CCDC171: variants seen among roughly 807,000 people sequenced by gnomAD.
The protein encoded by CCDC171 is coiled-coil domain containing 171, also known as coiled-coil domain-containing protein 171.
A neutral mutation model predicts 168.2 loss-of-function variants in CCDC171; 177 were observed. The observed-to-expected ratio is 1.05, with a 90% CI of 0.93 to 1.19. The LOEUF is 1.19. Among genes scored for constraint, CCDC171 ranks in the 50% most tolerant of loss-of-function variants. CCDC171 has a pLI of 0.00. For missense variants in CCDC171, 1,991 were observed against 1,539.0 expected, an observed-to-expected ratio of 1.29 and a Z score of -4.91; for synonymous variants, 687 against 540.8, an observed-to-expected ratio of 1.27 and a Z score of -3.75.
At chr9:15,881,606 A>G (rs1818654784) in intron 24 of CCDC171, among the ~76,000 whole-genome samples, 1 of 152,180 alleles carries the variant, frequency 6.6e-6, no homozygotes, top group Non-Finnish European at 1.5e-5. Context: ...CCCATTAATC[A>G]ACTTCTCTTC....
chr9:15,942,931 A>AGAT (rs1205361901), intron 25 of CCDC171, among the ~76,000 whole-genome samples: 1 of 151,970 alleles, frequency 6.6e-6, no homozygotes. Context: ...TTCAGGAGGC[A>AGAT]GATGGTAAGA....
the CCDC171 span, among the ~76,000 whole-genome samples, chr9:16,073,764 C>G: frequency 6.6e-6 from 1 of 152,182 alleles, no homozygotes; most frequent in African/African-American, 2.4e-5. Flanking sequence ...GTGCTGTTCT[C>G]TTCACCTCCA....
At chr9:16,107,311 C>T in the CCDC171 span, among the ~76,000 whole-genome samples, 1 of 152,088 alleles carries the variant, frequency 6.6e-6, no homozygotes, top group South Asian at 2.1e-4. Flanking sequence ...CCATGCCTGG[C>T]TCCTGACATG....
At chr9:15,952,315 G>A (rs1829286604) in intron 25 of CCDC171, among the ~76,000 whole-genome samples, 2 of 152,140 alleles carry the variant, frequency 1.3e-5, no homozygotes, top group Middle Eastern at 3.2e-3. Context: ...GGATGAATGA[G>A]TCCTCCAACT....
intron 2 of CCDC171, among the ~76,000 whole-genome samples, 194 bp from the exon 3 acceptor site, chr9:15,571,430 C>CTA (rs1256300931): frequency 7.9e-5 from 12 of 151,994 alleles, no homozygotes; most frequent in South Asian, 6.2e-4. Context: ...AGGTATCTAT[C>CTA]TATATATATA....
Position 15,777,837 on chromosome 9 carries a change from A to C in CCDC171, c.2898+11A>C, listed in dbSNP as rs200972435. 3 of 1,546,536 alleles carry C rather than the reference A, an allele frequency of 1.9e-6. No individual in the cohort carries two copies. In the South Asian group the frequency reaches 3.7e-5, roughly 19 times the overall value. Reference sequence around the variant, plus strand: ...CATGTGCCCATTACGGTATGTATACACTTTCATTTAGTAGTAACCTAAGAA... The same window carrying C: ...CATGTGCCCATTACGGTATGTATACCCTTTCATTTAGTAGTAACCTAAGAA... On this transcript the variant is annotated intron_variant, in intron 19 of 25. Transcript: ENST00000380701.
At chr9:15,858,219 C>T (rs2061420023) in intron 23 of CCDC171, among the ~76,000 whole-genome samples, 1 of 151,806 alleles carries the variant, frequency 6.6e-6, no homozygotes, top group South Asian at 2.1e-4. Flanking sequence ...GGGGTTTCAC[C>T]ATGTTGGCCA....
chr9:15,602,547 G>A (rs1418478041), intron 6 of CCDC171, among the ~76,000 whole-genome samples: 2 of 149,280 alleles, frequency 1.3e-5, no homozygotes, highest in Non-Finnish European at 3.0e-5. Flanking sequence ...AAATAGAGGT[G>A]TCCTTCTCTG....
At chr9:15,668,387 G>T (rs182263081) in intron 9 of CCDC171, among the ~76,000 whole-genome samples, 43 of 152,046 alleles carry the variant, frequency 2.8e-4, no homozygotes, top group African/African-American at 1.0e-3. Context: ...TTTGTATTTT[G>T]GTACTTGAAA....
rs1320885936 is a variant in CCDC171, at chr9:15,638,423, A to G, written c.822+15010A>G. 2.0e-5 allele frequency among the ~76,000 whole-genome samples: 3 copies of G among 152,126 alleles called. No individual in the cohort carries two copies. The East Asian group carries it at 5.8e-4, about 29-fold the overall frequency. ...ACAATCACTACCAGTAATACTAGGT[A>G]CTTAAGTAATTGTTAGTGGTATTTT... is the stretch of plus-strand genomic sequence containing the variant. On this transcript the variant is annotated intron_variant, in intron 7 of 25. Transcript: ENST00000380701.
chr9:15,590,848 T>C (rs1336957013), intron 4 of CCDC171, among the ~76,000 whole-genome samples: 13 of 146,782 alleles, frequency 8.9e-5, no homozygotes, highest in Admixed American at 7.6e-4. Flanking sequence ...TCTTTCTTTC[T>C]TTCTTTTTTC....
At chr9:15,731,748 T>A (rs1226803550) in intron 16 of CCDC171, among the ~76,000 whole-genome samples, 1 of 152,104 alleles carries the variant, frequency 6.6e-6, no homozygotes, top group East Asian at 1.9e-4. Context: ...GGGATATATG[T>A]GTGTTCATAA....
chr9:15,931,456 CTTTTT>C (rs57124025), intron 25 of CCDC171, among the ~76,000 whole-genome samples: 81 of 45,004 alleles, frequency 1.8e-3, no homozygotes, highest in Non-Finnish European at 2.9e-3. Flanking sequence ...TTCTTTCTTT[CTTTTT>C]TTTTTTTTTT....
At chr9:15,877,650 T>C (rs1818038604) in intron 24 of CCDC171, among the ~76,000 whole-genome samples, 1 of 152,094 alleles carries the variant, frequency 6.6e-6, no homozygotes, top group African/African-American at 2.4e-5. Flanking sequence ...TAACAGCAAA[T>C]AGGCTTTCAT....
intron 3 of CCDC171, among the ~76,000 whole-genome samples, chr9:16,016,232 A>G (rs374318602): frequency 5.3e-5 from 8 of 152,216 alleles, no homozygotes; most frequent in African/African-American, 1.9e-4. Context: ...TTTAAGTGTC[A>G]AGGTCCAGCT....
chr9:15,695,355 A>C lies in CCDC171; in HGVS notation c.1318+18A>C. 6.4e-7 allele frequency: 1 copy of C among 1,572,088 alleles called. No homozygotes were observed. Among genetic ancestry groups the C allele is most frequent in the Non-Finnish European group, 8.8e-7 (1 of 1,141,600 alleles). Reference sequence around the variant, plus strand: ...GACATCAGGTTAGTTGAAGGTATAAAATGACAGATGCATCTGTCAATGTTC... The same window carrying C: ...GACATCAGGTTAGTTGAAGGTATAACATGACAGATGCATCTGTCAATGTTC... On this transcript the variant is annotated intron_variant, in intron 11 of 25. Transcript: ENST00000380701.
At chr9:15,992,274 C>T (rs1367862057) in intron 3 of CCDC171, among the ~76,000 whole-genome samples, 1 of 152,144 alleles carries the variant, frequency 6.6e-6, no homozygotes, top group Non-Finnish European at 1.5e-5. Flanking sequence ...GGCTTGTAAA[C>T]ATACACAAAT....
intron 11 of CCDC171, among the ~76,000 whole-genome samples, chr9:15,706,798 A>G (rs1306928584): frequency 1.3e-5 from 2 of 152,126 alleles, no homozygotes; most frequent in Non-Finnish European, 2.9e-5. Flanking sequence ...AATAATTTGT[A>G]ATACTCTAGA....
At chr9:15,668,058 T>A (rs954379411) in intron 9 of CCDC171, among the ~76,000 whole-genome samples, 4 of 152,250 alleles carry the variant, frequency 2.6e-5, no homozygotes, top group Non-Finnish European at 5.9e-5. Flanking sequence ...AGTGCAGATT[T>A]CTTTACTTTT....
Sources: allele counts gnomAD v4.1 joint callset (sites outside exome capture counted in the v4.1 genomes callset), GRCh38; gene constraint gnomAD v4.1.1; transcripts MANE v1.5; gene names NCBI Gene and HGNC (gene_info 2026-07-23, HGNC 2026-07-21).